The following ITGA2 variants were observed in gnomAD, a reference collection of about 807,000 sequenced individuals.
The protein encoded by ITGA2 is integrin subunit alpha 2, also known as integrin alpha-2.
ITGA2 carries 101 observed loss-of-function variants against 146.3 expected under a neutral mutation model. The ratio of observed to expected loss-of-function variants is 0.69; its 90% CI spans 0.59 to 0.81. The LOEUF is 0.81. Ranked by LOEUF, ITGA2 falls within the 40% of genes least tolerant of loss-of-function variation. ITGA2 has a pLI of 0.00. For missense variants in ITGA2, 1,281 were observed against 1,402.7 expected (o/e 0.91, Z 1.39); for synonymous variants, 477 against 487.1 (o/e 0.98, Z 0.27).
chr5:53,016,611 C>G (rs1192105752), intron 1 of ITGA2, among the ~76,000 whole-genome samples: 1 of 152,112 alleles, frequency 6.6e-6, no homozygotes, highest in Non-Finnish European at 1.5e-5. Context: ...CTCTGCATTT[C>G]CTGAATTTAA....
intron 17 of ITGA2, among the ~76,000 whole-genome samples, chr5:53,071,275 C>T (rs1282673269): frequency 1.3e-5 from 2 of 151,776 alleles, no homozygotes; most frequent in African/African-American, 4.8e-5. Context: ...ATCTTATTTC[C>T]CTTCTCTCCC....
In ITGA2 at chr5:53,056,047, A is replaced by T; in HGVS notation, c.994A>T (p.Ile332Phe). The T allele has an allele frequency of 3.1e-6, 5 of 1,610,594 alleles. No individual in the cohort carries two copies. Among genetic ancestry groups the T allele is most frequent in the Non-Finnish European group, 4.2e-6 (5 of 1,177,974 alleles). Residue 332 changes from isoleucine (I) to phenylalanine (F), a missense_variant, in exon 9 of 30, where the codon ATC (isoleucine) becomes TTC (phenylalanine). Ile to Phe is a conservative substitution (Grantham distance 21, BLOSUM62 0). Around this residue, in one of 3 missense-constraint regions of ITGA2, gnomAD observed 795 missense variants for 841.7 expected, o/e 0.94. Transcript: ENST00000296585. ...AAATTTAATAAAAGAAATAAAAGCA[A>T]TCGCTAGTATTCCAACAGAAAGATA... ...TKNLIKEIKAIASIPTERYFF... is the reference protein window; with the variant it reads ...TKNLIKEIKAFASIPTERYFF...
intron 1 of ITGA2, among the ~76,000 whole-genome samples, chr5:53,020,772 T>A (rs1201025390): frequency 6.6e-6 from 1 of 151,564 alleles, no homozygotes; most frequent in Non-Finnish European, 1.5e-5. Flanking sequence ...ACCTCCGCCT[T>A]CCGGGCTCAA....
At chr5:53,085,223 C>T (rs548027339) in intron 27 of ITGA2, among the ~76,000 whole-genome samples, 6 of 152,178 alleles carry the variant, frequency 3.9e-5, no homozygotes, top group Non-Finnish European at 7.3e-5. Context: ...TTGTTGCTAC[C>T]CTTTCTCTGA....
At chr5:53,007,888 G>C (rs1473213472) in intron 1 of ITGA2, among the ~76,000 whole-genome samples, 1 of 152,114 alleles carries the variant, frequency 6.6e-6, no homozygotes, top group Non-Finnish European at 1.5e-5. Flanking sequence ...ACTTGATGCA[G>C]TTACAAAACA....
intron 2 of ITGA2, among the ~76,000 whole-genome samples, chr5:53,027,285 TC>T (rs1483502946): frequency 6.6e-6 from 1 of 152,244 alleles, no homozygotes; most frequent in East Asian, 1.9e-4. Flanking sequence ...TACATTTTTT[TC>T]TTTAGCAAGG....
intron 20 of ITGA2, 42 bp from the exon 21 acceptor site, chr5:53,074,343 T>G: frequency 6.6e-7 from 1 of 1,521,696 alleles, no homozygotes; most frequent in Non-Finnish European, 9.1e-7. Context: ...ACACAAATGT[T>G]GTATGCCAAT....
At chr5:53,089,731 AAAC>A (rs1561161352) in intron 28 of ITGA2, among the ~76,000 whole-genome samples, 1 of 152,228 alleles carries the variant, frequency 6.6e-6, no homozygotes, top group African/African-American at 2.4e-5. Context: ...TAAAGCGGAG[AAAC>A]TAGAAAAGTT....
In ITGA2 at chr5:53,056,268, A is replaced by G. The variant is rs1744630771; in HGVS notation, c.1096+119A>G. ...ACCATGTATAAAAAGAGCTACTACA[A>G]TCAGTAAGAGAAATGGATGAAAAAC... On this transcript the variant is annotated intron_variant, in intron 9 of 29. Transcript: ENST00000296585. 5 of 789,980 alleles carry G rather than the reference A, an allele frequency of 6.3e-6. No homozygotes were observed. In the South Asian group the frequency reaches 6.9e-5, roughly 11 times the overall value. The allele number at this position is 789,980 out of a possible 1,614,324, so 48.9% of individuals were successfully genotyped here.
intron 27 of ITGA2, among the ~76,000 whole-genome samples, chr5:53,086,664 C>A (rs558068940): frequency 9.8e-5 from 15 of 152,338 alleles, no homozygotes; most frequent in Admixed American, 7.8e-4. Context: ...AAGTTCAGAT[C>A]TCCTCAGGGA....
chr5:52,996,306 T>G (rs1741247637), intron 1 of ITGA2, among the ~76,000 whole-genome samples: 1 of 152,186 alleles, frequency 6.6e-6, no homozygotes, highest in South Asian at 2.1e-4. Context: ...TGGCAGAGAT[T>G]CATTGCACAA....
intron 17 of ITGA2, 104 bp downstream of exon 17, chr5:53,070,364 C>A: frequency 1.0e-6 from 1 of 978,412 alleles, no homozygotes; most frequent in Non-Finnish European, 1.6e-6. Flanking sequence ...GCTCACCCTT[C>A]CAATGAATGC....
At chr5:53,086,038 G>T (rs925667277) in intron 27 of ITGA2, among the ~76,000 whole-genome samples, 1 of 151,998 alleles carries the variant, frequency 6.6e-6, no homozygotes, top group African/African-American at 2.4e-5. Context: ...CCGAGTCGCT[G>T]GGATTACAGG....
At chr5:53,049,846 C>T (rs1468204474) in intron 6 of ITGA2, among the ~76,000 whole-genome samples, 1 of 148,476 alleles carries the variant, frequency 6.7e-6, no homozygotes, top group South Asian at 2.1e-4. Flanking sequence ...ACATCTAATA[C>T]AAATTGTTGA....
At chr5:53,015,034 CA>C (rs912847623) in intron 1 of ITGA2, among the ~76,000 whole-genome samples, 25 of 150,060 alleles carry the variant, frequency 1.7e-4, no homozygotes, top group Non-Finnish European at 1.9e-4. Context: ...GTCTATTCTT[CA>C]AAAAAAAAGA....
rs141771985 is a variant in ITGA2 at position 53,083,196 on chromosome 5, T to C, written c.3145-144T>C. 1.9e-3 allele frequency: 1,255 copies of C among 662,618 alleles called. 11 individuals carry two copies. Among genetic ancestry groups the C allele is most frequent in the African/African-American group, 0.018 (1,002 of 55,826 alleles). The allele number at this position is 662,618 out of a possible 1,614,324, so 41.0% of individuals were successfully genotyped here. On this transcript the variant is annotated intron_variant, in intron 26 of 29. Coordinates refer to ENST00000296585, the MANE Select transcript of ITGA2 (RefSeq NM_002203.4). ...AATCCCTTGAAGGAGGGCGGGAGAGTTAGAACTACTAATAGCTCATGAGAT... is the reference window on the plus strand; with the variant it reads ...AATCCCTTGAAGGAGGGCGGGAGAGCTAGAACTACTAATAGCTCATGAGAT...
At chr5:53,076,716 A>G (rs1298651842) in intron 23 of ITGA2, among the ~76,000 whole-genome samples, 1 of 152,118 alleles carries the variant, frequency 6.6e-6, no homozygotes, top group Non-Finnish European at 1.5e-5. Flanking sequence ...TGAAATAAAT[A>G]TAAGATTGAA....
At chr5:53,089,580 C>T (rs1357372716) in intron 28 of ITGA2, 1 of 209,872 alleles carries the variant, frequency 4.8e-6, no homozygotes, top group Non-Finnish European at 9.6e-6. Context: ...CTTCGACTCC[C>T]TTCCCCAAAG....
intron 1 of ITGA2, among the ~76,000 whole-genome samples, chr5:53,001,656 G>A (rs1741591168): frequency 2.0e-5 from 3 of 151,984 alleles, no homozygotes; most frequent in Non-Finnish European, 2.9e-5. Context: ...TCAATATAGC[G>A]AGACTCTGTT....
Sources: allele counts gnomAD v4.1 joint callset (sites outside exome capture counted in the v4.1 genomes callset), GRCh38; gene constraint gnomAD v4.1.1; regional missense constraint gnomAD v4.1.1; transcripts MANE v1.5; gene names NCBI Gene and HGNC (gene_info 2026-07-23, HGNC 2026-07-21).